The following PARP9 variants were observed in gnomAD, a reference collection of about 807,000 sequenced individuals.
The protein encoded by PARP9 is protein mono-ADP-ribosyltransferase PARP9.
In PARP9, 48 loss-of-function variants were observed where a neutral mutation model predicts 68.8. The observed-to-expected ratio is 0.70, with a 90% CI of 0.55 to 0.89. The LOEUF is 0.89. Ranked by LOEUF, PARP9 falls within the 40% of genes least tolerant of loss-of-function variation. The probability of loss-of-function intolerance (pLI) is 0.00; values close to 1 mark genes in which losing one functional copy is unlikely to be tolerated. For missense variants in PARP9, 806 were observed against 969.3 expected, an observed-to-expected ratio of 0.83 and a Z score of 2.24; for synonymous variants, 309 against 333.8, an observed-to-expected ratio of 0.93 and a Z score of 0.81.
chr3:122,564,446 C>T (rs1243941216), upstream of PARP9: 1 of 1,611,052 alleles, frequency 6.2e-7, no homozygotes. Flanking sequence ...CACCTGCGCC[C>T]GCCGTCCCCG....
chr3:122,530,084 G>A (rs2077203330), intron 10 of PARP9, among the ~76,000 whole-genome samples: 1 of 151,236 alleles, frequency 6.6e-6, no homozygotes, highest in African/African-American at 2.4e-5. Flanking sequence ...GGCTGAGGTG[G>A]GAGGACTGAT....
chr3:122,554,639 C>A (rs949702036), intron 4 of PARP9, among the ~76,000 whole-genome samples: 2 of 152,082 alleles, frequency 1.3e-5, no homozygotes, highest in South Asian at 2.1e-4. Flanking sequence ...AACTGAAGAA[C>A]AAAAGATAAA....
intron 6 of PARP9, among the ~76,000 whole-genome samples, chr3:122,550,293 G>C (rs1052390380): frequency 3.3e-5 from 5 of 152,090 alleles, no homozygotes; most frequent in Non-Finnish European, 7.4e-5. Flanking sequence ...TGGTCAGGTT[G>C]GTCTAGAACT....
chr3:122,555,643 TC>T lies in PARP9; in HGVS notation c.527del (p.Gly176GlufsTer8). On this transcript the variant is annotated frameshift_variant, in exon 4 of 11. Transcript: ENST00000682323. LOFTEE classifies it high-confidence loss of function. ...WMEWDKQGCT[G>X]KLQRAIVSIL... ...TACTTACAATGGCCCTCTGCAGCTT[TC>T]CAGTACATCCCTGTTTATCCCATTC... is the stretch of plus-strand genomic sequence containing the variant. The T allele has an allele frequency of 6.2e-7, 1 of 1,614,170 alleles. No homozygotes were observed. Among genetic ancestry groups the T allele is most frequent in the Non-Finnish European group, 8.5e-7 (1 of 1,180,028 alleles).
At chr3:122,547,107 T>C (rs1041405450) in intron 6 of PARP9, among the ~76,000 whole-genome samples, 3 of 136,744 alleles carry the variant, frequency 2.2e-5, no homozygotes, top group Non-Finnish European at 4.7e-5. Flanking sequence ...CACGTATTTT[T>C]TTTTCTTTTT....
At position 122,560,449 on chromosome 3, in the gene PARP9, C is replaced by T. The variant is rs561691148; in HGVS notation, c.-89-740G>A. Among the ~76,000 whole-genome samples the T allele has an allele frequency of 3.3e-5, 5 of 152,194 alleles. No homozygotes were observed. In the East Asian group the frequency reaches 9.7e-4, roughly 29 times the overall value. Reference sequence around the variant, plus strand: ...TCTGTCCCCCAGGAATGCAGTGGCTCGATCTTGGCTCACTGCAAGCTCCGC... The same window carrying T: ...TCTGTCCCCCAGGAATGCAGTGGCTTGATCTTGGCTCACTGCAAGCTCCGC... On this transcript the variant is annotated intron_variant, in intron 1 of 10. Transcript: ENST00000682323.
At position 122,532,022 on chromosome 3, in the gene PARP9, G is replaced by A. The variant is rs150375891; in HGVS notation, c.2081-3279C>T. 4.2e-5 allele frequency: 20 copies of A among 480,128 alleles called. No homozygotes were observed. In the South Asian group the frequency reaches 5.3e-4, roughly 13 times the overall value. The allele number at this position is 480,128 out of a possible 1,614,324, so 29.7% of individuals were successfully genotyped here. On this transcript the variant is annotated intron_variant, in intron 10 of 10. Coordinates refer to ENST00000682323, the MANE Select transcript of PARP9 (RefSeq NM_001146105.2). ...GAGGGGGCAGAACAATGGAAATCTC[G>A]GAATAAGAACAATTGGAGGGACTCA...
chr3:122,556,056 A>G lies in PARP9; in HGVS notation c.115T>C (p.Leu39=), dbSNP rs1161645032. ...CACAGCTGACGCTCATTATTTTTTAAAATTTTGAAGTCATTGTGGTTAATG... is the reference window on the plus strand; with the variant it reads ...CACAGCTGACGCTCATTATTTTTTAGAATTTTGAAGTCATTGTGGTTAATG... ...IPINHNDFKI[L]KNNERQLCEV... is the part of the protein sequence containing the mutation. The change falls in exon 4 of 11, where the codon TTA becomes CTA. Residue 39 remains leucine (L), a synonymous_variant. Coordinates refer to ENST00000682323, the MANE Select transcript of PARP9 (RefSeq NM_001146105.2). 6.3e-7 allele frequency: 1 copy of G among 1,597,480 alleles called. No individual in the cohort carries two copies. The highest frequency in any genetic ancestry group is 8.5e-7 in the Non-Finnish European group (1 of 1,169,674).
intron 6 of PARP9, among the ~76,000 whole-genome samples, chr3:122,546,564 C>T (rs1467303774): frequency 6.6e-6 from 1 of 152,160 alleles, no homozygotes; most frequent in African/African-American, 2.4e-5. Context: ...AAAATACATG[C>T]TTATTAAAAG....
intron 10 of PARP9, chr3:122,535,157 G>C: frequency 1.0e-6 from 1 of 985,386 alleles, no homozygotes; most frequent in Non-Finnish European, 1.2e-6. Flanking sequence ...CCAGCTTTAG[G>C]AGCAAATGGA....
chr3:122,528,591 C>G lies in PARP9; in HGVS notation c.2233G>C (p.Val745Leu), dbSNP rs1242720821. The change falls in exon 11 of 11, where the codon GTT becomes CTT. Residue 745 changes from valine (V) to leucine (L), a missense_variant. By Grantham distance (32) the Val-to-Leu change is conservative (BLOSUM62 1). Transcript: ENST00000682323. ...FFCQGHPLNI[V>L]PPPLSPGAID... ...GCTCCAGGACTCAGTGGTGGGGGAA[C>G]AATATTTAACGGATGTCCCTGGCAG... 1 of 1,614,014 alleles carries G rather than the reference C, an allele frequency of 6.2e-7. No homozygotes were observed. Among genetic ancestry groups the G allele is most frequent in the Non-Finnish European group, 8.5e-7 (1 of 1,180,032 alleles).
At chr3:122,529,234 T>TAAAAAAAAAAA (rs59705545) in intron 10 of PARP9, among the ~76,000 whole-genome samples, 2 of 77,268 alleles carry the variant, frequency 2.6e-5, no homozygotes, top group Admixed American at 2.9e-4. Context: ...GCGAAACTCT[T>TAAAAAAAAAAA]AAAAAAAAAA....
intron 8 of PARP9, among the ~76,000 whole-genome samples, chr3:122,539,552 T>TC (rs2077990469): frequency 1.4e-5 from 1 of 69,114 alleles, no homozygotes; most frequent in African/African-American, 4.5e-5. Flanking sequence ...TCTTTCTTTC[T>TC]TTCTTTCTTT....
chr3:122,529,457 TTGTC>T (rs2077146678), intron 10 of PARP9, among the ~76,000 whole-genome samples: 2 of 151,878 alleles, frequency 1.3e-5, no homozygotes, highest in South Asian at 4.2e-4. Context: ...CCTTAGAACA[TTGTC>T]TGACTTCGGC....
chr3:122,564,656 CG>C (rs753335847), upstream of PARP9: 58 of 1,556,234 alleles, frequency 3.7e-5, no homozygotes, highest in African/African-American at 7.0e-4. Flanking sequence ...TCTGGGGGCC[CG>C]GCCCCCGGGT....
intron 10 of PARP9, chr3:122,531,782 T>G (rs1235915569): frequency 6.6e-6 from 1 of 152,062 alleles, no homozygotes; most frequent in Non-Finnish European, 1.5e-5. Context: ...TGGGTTGTTT[T>G]TTTTTATTAT....
chr3:122,543,057 C>G (rs562961348), intron 7 of PARP9, among the ~76,000 whole-genome samples: 1 of 152,110 alleles, frequency 6.6e-6, no homozygotes, highest in Admixed American at 6.6e-5. Flanking sequence ...CAGGCACACG[C>G]CACCATGCCT....
intron 10 of PARP9, chr3:122,535,847 A>G: frequency 1.5e-6 from 1 of 669,468 alleles, no homozygotes; most frequent in Non-Finnish European, 1.9e-6. Context: ...GTAAGGCAAA[A>G]AAAAAAAAAA....
At chr3:122,561,657 T>C (rs984617729) in intron 1 of PARP9, among the ~76,000 whole-genome samples, 9 of 152,224 alleles carry the variant, frequency 5.9e-5, no homozygotes, top group Non-Finnish European at 1.0e-4. Context: ...GCCTTTTCCC[T>C]GCGTTCACTT....
Sources: allele counts gnomAD v4.1 joint callset (sites outside exome capture counted in the v4.1 genomes callset), GRCh38; gene constraint gnomAD v4.1.1; transcripts MANE v1.5; gene names NCBI Gene and HGNC (gene_info 2026-07-23, HGNC 2026-07-21).